Variants in MYH2 observed in about 807,000 individuals in gnomAD.
MYH2 encodes myosin-2.
Under a neutral mutation model 228.1 loss-of-function variants are expected in MYH2, and 139 were observed. The observed-to-expected ratio is 0.61, with a 90% CI of 0.53 to 0.70. MYH2 has a LOEUF of 0.70. Ranked by LOEUF, MYH2 falls within the 30% of genes least tolerant of loss-of-function variation. MYH2 has a pLI of 0.00. For missense variants in MYH2, 1,809 were observed against 2,357.5 expected (o/e 0.77, Z 4.82); for synonymous variants, 796 against 871.1 (o/e 0.91, Z 1.52).
chr17:10,528,748 T>C lies in MYH2; in HGVS notation c.3686A>G (p.Glu1229Gly), dbSNP rs1380156657. 3.1e-6 allele frequency: 5 copies of C among 1,614,080 alleles called. No homozygotes were observed. Among genetic ancestry groups the C allele is most frequent in the Non-Finnish European group, 2.5e-6 (3 of 1,179,960 alleles). The change falls in exon 27 of 40, where the codon GAG (glutamate) becomes GGG (glycine). Residue 1229 changes from glutamate to glycine, a missense_variant. Glu to Gly is a moderately conservative substitution (Grantham distance 98). Coordinates refer to ENST00000245503, the MANE Select transcript of MYH2 (RefSeq NM_017534.6). ...AAGGTCATCAATCTCCATCTTCATC[T>C]CACTCTTCTCCTTCTCCAGCTTCTG... ...VKQKLEKEKS[E>G]MKMEIDDLAS...
intron 6 of MYH2, 24 bp from the exon 7 acceptor site, chr17:10,544,040 A>T (rs1248429441): frequency 6.2e-7 from 1 of 1,614,188 alleles, no homozygotes; most frequent in South Asian, 1.1e-5. Context: ...ACTCAATCAG[A>T]TGTGGTCTCA....
chr17:10,534,627 G>A (rs2073461587), intron 19 of MYH2, among the ~76,000 whole-genome samples: 1 of 152,206 alleles, frequency 6.6e-6, no homozygotes, highest in East Asian at 1.9e-4. Flanking sequence ...TATTTTAAAA[G>A]TATTTGAGGC....
chr17:10,531,105 G>A (rs2142302407), intron 22 of MYH2, among the ~76,000 whole-genome samples: 1 of 152,330 alleles, frequency 6.6e-6, no homozygotes, highest in Non-Finnish European at 1.5e-5. Flanking sequence ...ATGTGGGTGT[G>A]ACATGATGGG....
chr17:10,545,748 T>G (rs2073621388), intron 4 of MYH2, among the ~76,000 whole-genome samples: 2 of 152,256 alleles, frequency 1.3e-5, no homozygotes, highest in Middle Eastern at 3.4e-3. Flanking sequence ...ACGTGCTTTT[T>G]GTAGAGCTAA....
intron 19 of MYH2, among the ~76,000 whole-genome samples, chr17:10,534,094 G>A (rs1436804459): frequency 1.3e-5 from 2 of 152,294 alleles, no homozygotes; most frequent in East Asian, 1.9e-4. Context: ...CTCTGTCAGT[G>A]CCACCTGACC....
rs1210705139 is a variant in MYH2 at position 10,534,592 on chromosome 17, A to C, written c.2180+481T>G. 1.1e-4 allele frequency among the ~76,000 whole-genome samples: 16 copies of C among 152,360 alleles called. No individual in the cohort carries two copies. The East Asian group carries it at 2.5e-3, about 24-fold the overall frequency. On this transcript the variant is annotated intron_variant, in intron 19 of 39. Transcript: ENST00000245503. ...TGATAAATCCAATGAAAATTCCACAAGGTGCTTAAAATTTTGTATATTTAT... is the reference window on the plus strand; with the variant it reads ...TGATAAATCCAATGAAAATTCCACACGGTGCTTAAAATTTTGTATATTTAT...
At chr17:10,533,181 T>G in intron 21 of MYH2, 104 bp downstream of exon 21, 1 of 1,515,272 alleles carries the variant, frequency 6.6e-7, no homozygotes, top group Non-Finnish European at 9.1e-7. Context: ...AGGACTCTTA[T>G]TCATTTCTTC....
intron 10 of MYH2, among the ~76,000 whole-genome samples, chr17:10,542,278 A>AACAAACAG (rs2073566568): frequency 6.6e-6 from 1 of 151,944 alleles, no homozygotes; most frequent in African/African-American, 2.4e-5. Context: ...CATCTCAACA[A>AACAAACAG]ACAAACAAAC....
intron 16 of MYH2, among the ~76,000 whole-genome samples, chr17:10,536,908 G>T (rs989942124): frequency 6.6e-6 from 1 of 152,194 alleles, no homozygotes; most frequent in Non-Finnish European, 1.5e-5. Flanking sequence ...AGAGGTGGAA[G>T]TTTGTCACTC....
chr17:10,537,186 T>C lies in MYH2; in HGVS notation c.1897+47A>G. On this transcript the variant is annotated intron_variant, in intron 16 of 39. Coordinates refer to ENST00000245503, the MANE Select transcript of MYH2 (RefSeq NM_017534.6). The surrounding 1 kb of genome is among the most constrained non-coding windows in gnomAD (Gnocchi z 4.0). ...AGAGATCACTAGCTTCAATTTAACA[T>C]CACATTTTGTAATACCTAGAGAGTA... The C allele has an allele frequency of 1.9e-6, 3 of 1,611,432 alleles. No individual in the cohort carries two copies. Among genetic ancestry groups the C allele is most frequent in the South Asian group, 2.2e-5 (2 of 91,044 alleles).
At chr17:10,548,886 C>T (rs1028606131) in intron 2 of MYH2, among the ~76,000 whole-genome samples, 1 of 152,134 alleles carries the variant, frequency 6.6e-6, no homozygotes, top group East Asian at 1.9e-4. Context: ...TTTAGAAATG[C>T]AGTAAGTAGT....
intron 21 of MYH2, among the ~76,000 whole-genome samples, chr17:10,532,407 G>A (rs1383737717): frequency 6.6e-6 from 1 of 152,114 alleles, no homozygotes; most frequent in East Asian, 1.9e-4. Context: ...ATATGTTAAT[G>A]TTGTGTGAAT....
At chr17:10,531,053 C>A (rs1433961526) in intron 22 of MYH2, among the ~76,000 whole-genome samples, 1 of 152,154 alleles carries the variant, frequency 6.6e-6, no homozygotes, top group Non-Finnish European at 1.5e-5. Flanking sequence ...GAAGAAGAGA[C>A]AATTGGGAAG....
chr17:10,539,149 T>C, intron 14 of MYH2, 56 bp downstream of exon 14: 1 of 1,612,944 alleles, frequency 6.2e-7, no homozygotes, highest in Non-Finnish European at 8.5e-7. Flanking sequence ...TTCCTTCATA[T>C]AGATATTTCC....
chr17:10,521,580 C>CATAT lies in MYH2; in HGVS notation c.5674-152_5674-149dup, dbSNP rs3051834. On this transcript the variant is annotated intron_variant, in intron 39 of 39. Coordinates refer to ENST00000245503, the MANE Select transcript of MYH2 (RefSeq NM_017534.6). ...AATTTTAAGATTTGTTTATTGATGT[C>CATAT]ATATATATATATATATATATACACA... The CATAT allele has an allele frequency of 0.039, 17,274 of 442,708 alleles. 367 individuals are homozygous for CATAT. Among genetic ancestry groups the CATAT allele is most frequent in the African/African-American group, 0.054 (2,638 of 49,252 alleles). The allele number at this position is 442,708 out of a possible 1,614,324, so 27.4% of individuals were successfully genotyped here. A position where few individuals can be genotyped will look rare whatever the true frequency, so the allele number is the denominator to read the frequency against.
intron 10 of MYH2, 34 bp from the exon 11 acceptor site, chr17:10,540,731 A>C: frequency 1.3e-6 from 2 of 1,489,122 alleles, no homozygotes; most frequent in South Asian, 2.3e-5. Flanking sequence ...GATAAACATA[A>C]TTATCTTCTT....
chr17:10,528,021 T>C, intron 27 of MYH2, 147 bp from the exon 28 acceptor site: 7 of 958,882 alleles, frequency 7.3e-6, no homozygotes, highest in East Asian at 2.9e-5. Context: ...ATATGTAATG[T>C]AATGCAGAAA....
In MYH2 at chr17:10,530,059, C is replaced by G; in HGVS notation, c.2713G>C (p.Ala905Pro). Reference sequence around the variant, plus strand: ...TGGTCACACCTTTCCTCTGCATCAGCCAAGCCTTCGGCTTCCTTAAGTTGG... The same window carrying G: ...TGGTCACACCTTTCCTCTGCATCAGGCAAGCCTTCGGCTTCCTTAAGTTGG... ...LQVQAEAEGLADAEERCDQLI... is the reference protein window; with the variant it reads ...LQVQAEAEGLPDAEERCDQLI... The change falls in exon 23 of 40, where the codon GCT (alanine) becomes CCT (proline). Residue 905 changes from alanine (A) to proline (P), a missense_variant. Coordinates refer to ENST00000245503, the MANE Select transcript of MYH2 (RefSeq NM_017534.6). 1 of 1,614,248 alleles carries G rather than the reference C, an allele frequency of 6.2e-7. No homozygotes were observed. Among genetic ancestry groups the G allele is most frequent in the African/African-American group, 1.3e-5 (1 of 75,066 alleles).
chr17:10,526,975 A>G lies in MYH2; in HGVS notation c.3953T>C (p.Ile1318Thr), dbSNP rs1052112402. The change falls in exon 29 of 40, where the codon ATT becomes ACT. Residue 1318 changes from isoleucine to threonine, a missense_variant. By Grantham distance (89) the Ile-to-Thr change is moderately conservative. This residue lies in a region of MYH2 where 636 missense variants were observed against 729.9 expected (regional missense o/e 0.87). Coordinates refer to ENST00000245503, the MANE Select transcript of MYH2 (RefSeq NM_017534.6). ...TTCAAGTTGCCTCTTTAATTCTTCA[A>G]TCTGTTGAGTAAAGGCTTGTTTGCC... is the stretch of plus-strand genomic sequence containing the variant. ...SRGKQAFTQQ[I>T]EELKRQLEEE... is the part of the protein sequence containing the mutation. 2 of 1,614,174 alleles carry G rather than the reference A, an allele frequency of 1.2e-6. No individual in the cohort carries two copies. Among genetic ancestry groups the G allele is most frequent in the East Asian group, 2.2e-5 (1 of 44,878 alleles).
Sources: gnomAD v4.1 joint callset for allele counts (sites outside exome capture counted in the v4.1 genomes callset) on GRCh38, gnomAD v4.1.1 for gene constraint, gnomAD v4.1.1 regional missense constraint, Gnocchi (gnomAD v3.1) non-coding constraint, MANE v1.5 for transcripts, NCBI Gene and HGNC (gene_info 2026-07-23, HGNC 2026-07-21) for gene names.